UCHL5: variants seen among roughly 807,000 people sequenced by gnomAD.
UCHL5 encodes the protein ubiquitin C-terminal hydrolase L5.
In UCHL5, 34 loss-of-function variants were observed where a neutral mutation model predicts 53.8. The observed-to-expected ratio is 0.63, with a 90% CI of 0.48 to 0.84. The LOEUF is 0.84. UCHL5 is among the 40% of genes least tolerant of loss of function. The pLI is 0.00. For synonymous variants in UCHL5, 111 were observed against 126.3 expected (o/e 0.88, Z 0.81); for missense variants, 290 against 385.6 (o/e 0.75, Z 2.08).
chr1:193,055,312 G>C (rs1670274571), intron 1 of UCHL5, among the ~76,000 whole-genome samples: 1 of 152,168 alleles, frequency 6.6e-6, no homozygotes, highest in South Asian at 2.1e-4. Flanking sequence ...GGCAAAAGTT[G>C]AGCAGGTTGG....
chr1:193,031,854 A>T (rs1275551513), intron 3 of UCHL5, among the ~76,000 whole-genome samples: 2 of 152,202 alleles, frequency 1.3e-5, no homozygotes, highest in Non-Finnish European at 2.9e-5. Flanking sequence ...TGCAGTATGA[A>T]TTATTTAGGT....
At chr1:193,032,315 G>C (rs1034957027) in intron 3 of UCHL5, among the ~76,000 whole-genome samples, 1 of 152,152 alleles carries the variant, frequency 6.6e-6, no homozygotes, top group African/African-American at 2.4e-5. Flanking sequence ...GGGAAAACTG[G>C]CTAGCCATAT....
chr1:193,059,459 C>T, upstream of UCHL5: 2 of 1,609,160 alleles, frequency 1.2e-6, no homozygotes, highest in Non-Finnish European at 1.7e-6. This position sits in a 1 kb window ranked among gnomAD's most constrained non-coding sequence, Gnocchi z 4.9. Context: ...ACCCTAGAGA[C>T]ATCGAAACTC....
chr1:193,035,063 A>G (rs1662867486), intron 3 of UCHL5, among the ~76,000 whole-genome samples: 1 of 152,036 alleles, frequency 6.6e-6, no homozygotes, highest in Non-Finnish European at 1.5e-5. Flanking sequence ...TTAGAGTCAA[A>G]AGGATTATAA....
chr1:193,025,890 T>G lies in UCHL5; in HGVS notation c.630-1944A>C, dbSNP rs1419284218. 3.9e-5 allele frequency among the ~76,000 whole-genome samples: 6 copies of G among 152,098 alleles called. No homozygotes were observed. The East Asian group carries it at 1.2e-3, about 29-fold the overall frequency. The stretch of plus-strand genomic sequence containing the variant: ...CAATGAAAGGCATCGGTCTACCTGA[T>G]TTCAAGACTTAGAGTTACAGTAATC... On this transcript the variant is annotated intron_variant, in intron 7 of 10. Transcript: ENST00000367454.
rs1346522303 is a variant in UCHL5, at chr1:193,018,966, AAC to A, written c.942+2129_942+2130del. The A allele has an allele frequency of 1.9e-5, 11 of 575,120 alleles. No individual in the cohort carries two copies. In the African/African-American group the frequency reaches 2.1e-4, roughly 11 times the overall value. 35.6% of individuals were successfully genotyped at this position (575,120 alleles called of 1,614,324 possible). A position where few individuals can be genotyped will look rare whatever the true frequency, so the allele number is the denominator to read the frequency against. Reference sequence around the variant, plus strand: ...AATTATAAAATCTAATCTTTATTCTAACAGTTTTTCAACACGCTTTATTTTTT... The same window carrying A: ...AATTATAAAATCTAATCTTTATTCTAAGTTTTTCAACACGCTTTATTTTTT... On this transcript the variant is annotated intron_variant, in intron 10 of 10. Transcript: ENST00000367454.
chr1:193,036,029 C>A (rs1410691517), intron 3 of UCHL5, among the ~76,000 whole-genome samples: 2 of 151,626 alleles, frequency 1.3e-5, no homozygotes, highest in Non-Finnish European at 2.9e-5. Flanking sequence ...TTAAAACATA[C>A]AACCTGAGAA....
At position 193,058,144 on chromosome 1, in the gene UCHL5, T is replaced by C. The variant is rs1671323032; in HGVS notation, c.76+1041A>G. Reference sequence around the variant, plus strand: ...CGGGAGGCTGAAGTAGGAGATTCGCTTGACCCCGAGAGATGGAGGTTGCAG... The same window carrying C: ...CGGGAGGCTGAAGTAGGAGATTCGCCTGACCCCGAGAGATGGAGGTTGCAG... On this transcript the variant is annotated intron_variant, in intron 1 of 10. Transcript: ENST00000367454. 2.0e-5 allele frequency among the ~76,000 whole-genome samples: 3 copies of C among 152,026 alleles called. No individual in the cohort carries two copies. In the South Asian group the frequency reaches 6.2e-4, roughly 32 times the overall value.
intron 3 of UCHL5, among the ~76,000 whole-genome samples, chr1:193,041,926 C>CT (rs1267405058): frequency 6.6e-6 from 1 of 151,934 alleles, no homozygotes; most frequent in African/African-American, 2.4e-5. Flanking sequence ...GAGTTAGAGA[C>CT]CAGCCTGAGT....
chr1:193,021,012 T>G, intron 10 of UCHL5, 85 bp downstream of exon 10: 4 of 1,029,750 alleles, frequency 3.9e-6, no homozygotes, highest in Non-Finnish European at 5.7e-6. Context: ...AAATTTTACC[T>G]CTATTCAAGC....
intron 10 of UCHL5, chr1:193,018,804 C>G: frequency 6.4e-7 from 1 of 1,561,374 alleles, no homozygotes; most frequent in Admixed American, 1.9e-5. Flanking sequence ...ACACCTTGTT[C>G]TTTTATCCTA....
At chr1:193,059,782 G>C, upstream of UCHL5, 1 of 1,356,682 alleles carries the variant, frequency 7.4e-7, no homozygotes, top group Non-Finnish European at 9.8e-7. This position sits in a 1 kb window ranked among gnomAD's most constrained non-coding sequence, Gnocchi z 4.9. Context: ...TACAGGTGAG[G>C]ACATTGCGGG....
chr1:193,032,689 A>T (rs1234065160), intron 3 of UCHL5, among the ~76,000 whole-genome samples: 1 of 152,224 alleles, frequency 6.6e-6, no homozygotes, highest in Non-Finnish European at 1.5e-5. Flanking sequence ...AGAAAAAAAT[A>T]AACAACCCCA....
intron 10 of UCHL5, chr1:193,020,055 A>G (rs931177551): frequency 2.0e-6 from 2 of 984,870 alleles, no homozygotes; most frequent in South Asian, 4.7e-5. Flanking sequence ...ACAGTTTCCC[A>G]TCTTAGAATA....
chr1:193,029,131 G>T, intron 6 of UCHL5, 48 bp downstream of exon 6: 1 of 1,593,326 alleles, frequency 6.3e-7, no homozygotes, highest in Non-Finnish European at 8.5e-7. Context: ...ATACCCAACA[G>T]ATTTTCCCCT....
chr1:193,018,702 A>C, intron 10 of UCHL5: 1 of 1,357,342 alleles, frequency 7.4e-7, no homozygotes, highest in Non-Finnish European at 9.5e-7. Flanking sequence ...TGCCTCAGCT[A>C]TTCAAAAATC....
At chr1:193,031,627 CA>C (rs1256566021) in intron 3 of UCHL5, among the ~76,000 whole-genome samples, 1 of 151,930 alleles carries the variant, frequency 6.6e-6, no homozygotes, top group African/African-American at 2.4e-5. Context: ...ACAAAATTAA[CA>C]AAAAACAAAA....
At chr1:193,059,621 C>T (rs1267372728), upstream of UCHL5, 1 of 1,412,890 alleles carries the variant, frequency 7.1e-7, no homozygotes, top group South Asian at 1.1e-5. This position sits in a 1 kb window ranked among gnomAD's most constrained non-coding sequence, Gnocchi z 4.9. Context: ...GACTCGTTCC[C>T]GGGAACCGAA....
In UCHL5 at chr1:193,015,765, A is replaced by G. The variant is rs913624044; in HGVS notation, c.*586T>C. The stretch of plus-strand genomic sequence containing the variant: ...CCCAAACACTTGAAGAAAATTTACT[A>G]AAATAAAATTGAGATGTTTATTACT... On this transcript the variant is annotated 3_prime_UTR_variant, in exon 11 of 11. Coordinates refer to ENST00000367454, the MANE Select transcript of UCHL5 (RefSeq NM_001199261.3). The G allele has an allele frequency of 7.9e-5, 12 of 152,090 alleles. No homozygotes were observed. Among genetic ancestry groups the G allele is most frequent in the African/African-American group, 2.7e-4 (11 of 41,452 alleles). 9.4% of individuals were successfully genotyped at this position (152,090 alleles called of 1,614,324 possible).
Sources: allele counts gnomAD v4.1 joint callset (sites outside exome capture counted in the v4.1 genomes callset), GRCh38; gene constraint gnomAD v4.1.1; non-coding constraint Gnocchi (gnomAD v3.1); transcripts MANE v1.5; gene names NCBI Gene and HGNC (gene_info 2026-07-23, HGNC 2026-07-21).